MLIP: variants seen among roughly 807,000 people sequenced by gnomAD.
The protein encoded by MLIP is muscular LMNA-interacting protein.
A neutral mutation model predicts 84.8 loss-of-function variants in MLIP; 79 were observed. That is an observed-to-expected ratio of 0.93 (90% CI 0.78 to 1.12). The LOEUF (loss-of-function observed/expected upper bound fraction) is 1.12, where lower values mean the gene tolerates loss of function less well. MLIP is among the 50% of genes most tolerant of loss of function. The pLI, the probability that MLIP is intolerant of heterozygous loss-of-function variation, is 0.00. For missense variants in MLIP, 1,257 were observed against 1,160.6 expected (o/e 1.08, Z -1.21); for synonymous variants, 504 against 463.0 (o/e 1.09, Z -1.14).
chr6:54,064,686 G>A (rs12523824), intron 1 of MLIP, among the ~76,000 whole-genome samples: 27,731 of 98,216 alleles, frequency 0.28, 9,555 homozygotes, highest in Non-Finnish European at 0.35. Flanking sequence ...TGAAGCATTA[G>A]GGAGTTAAAC....
At chr6:54,154,492 C>T (rs990728337) in intron 5 of MLIP, among the ~76,000 whole-genome samples, 3 of 152,126 alleles carry the variant, frequency 2.0e-5, no homozygotes, top group Non-Finnish European at 4.4e-5. Context: ...GCGCTTTCAT[C>T]TTCACAACTC....
chr6:54,157,378 A>G (rs1172505234), intron 5 of MLIP, among the ~76,000 whole-genome samples: 2 of 152,104 alleles, frequency 1.3e-5, no homozygotes, highest in East Asian at 3.9e-4. Flanking sequence ...TCCTGCAGAT[A>G]AGGTCCTCTA....
chr6:54,220,588 C>G (rs948629238), intron 11 of MLIP, among the ~76,000 whole-genome samples: 1 of 151,934 alleles, frequency 6.6e-6, no homozygotes, highest in African/African-American at 2.4e-5. Flanking sequence ...GAGTAATGAG[C>G]CAATTACTCC....
At chr6:54,028,349 A>T (rs1763938187) in intron 1 of MLIP, among the ~76,000 whole-genome samples, 1 of 152,010 alleles carries the variant, frequency 6.6e-6, no homozygotes, top group African/African-American at 2.4e-5. Flanking sequence ...CAATTTAGAG[A>T]CCACCTCGTG....
At position 54,204,426 on chromosome 6, in the gene MLIP, G is replaced by A. The variant is rs544364760; in HGVS notation, c.2718+2193G>A. ...AGACAGTATGGGATAATTATAAAAT[G>A]TTTATAAAAATAATTTAGCAGTTAT... On this transcript the variant is annotated intron_variant, in intron 11 of 13. Transcript: ENST00000502396. Among the ~76,000 whole-genome samples, 6 of 152,228 alleles carry A rather than the reference G, an allele frequency of 3.9e-5. No individual in the cohort carries two copies. The South Asian group carries it at 1.2e-3, about 32-fold the overall frequency.
At chr6:54,259,908 T>C (rs1004142605) in intron 13 of MLIP, among the ~76,000 whole-genome samples, 3 of 151,884 alleles carry the variant, frequency 2.0e-5, no homozygotes, top group Admixed American at 6.6e-5. Context: ...CTGTTATTTA[T>C]TTACCTTCAA....
intron 13 of MLIP, among the ~76,000 whole-genome samples, chr6:54,265,415 C>G (rs1231649899): frequency 6.6e-6 from 1 of 152,068 alleles, no homozygotes; most frequent in East Asian, 1.9e-4. Flanking sequence ...TACCACAGAG[C>G]AAAATTGTAA....
chr6:54,204,609 G>C (rs1331042424), intron 11 of MLIP, among the ~76,000 whole-genome samples: 1 of 152,172 alleles, frequency 6.6e-6, no homozygotes, highest in Non-Finnish European at 1.5e-5. Flanking sequence ...TCCTTGTAGA[G>C]TATTGAGTTA....
chr6:54,107,352 A>C (rs1329028134), upstream of MLIP, among the ~76,000 whole-genome samples: 5 of 152,222 alleles, frequency 3.3e-5, no homozygotes, highest in East Asian at 9.6e-4. Flanking sequence ...TCCAATACAG[A>C]TGAGGCCAAA....
At chr6:54,257,021 T>C (rs1318324151) in intron 12 of MLIP, among the ~76,000 whole-genome samples, 4 of 152,100 alleles carry the variant, frequency 2.6e-5, no homozygotes, top group Non-Finnish European at 5.9e-5. Flanking sequence ...CTTCATTACA[T>C]ACATAATTAA....
At chr6:54,081,641 G>T (rs1179999581) in intron 1 of MLIP, among the ~76,000 whole-genome samples, 1 of 152,062 alleles carries the variant, frequency 6.6e-6, no homozygotes, top group East Asian at 1.9e-4. Flanking sequence ...TTAAACTCCT[G>T]ACCTCAGGTG....
intron 12 of MLIP, among the ~76,000 whole-genome samples, chr6:54,257,001 T>C (rs1783050827): frequency 6.6e-6 from 1 of 152,136 alleles, no homozygotes; most frequent in Non-Finnish European, 1.5e-5. Context: ...TTAGTGCATT[T>C]TGACGATTCC....
At chr6:54,238,987 A>G (rs1171596599) in intron 12 of MLIP, among the ~76,000 whole-genome samples, 1 of 152,164 alleles carries the variant, frequency 6.6e-6, no homozygotes, top group Non-Finnish European at 1.5e-5. Flanking sequence ...AGATTTCTTC[A>G]CATGTACTAT....
Position 54,202,143 on chromosome 6 carries a change from C to T in MLIP, c.2628C>T (p.Ser876=), listed in dbSNP as rs2150714738. The stretch of plus-strand genomic sequence containing the variant: ...TAATTCGCCCAGTACCTGTAAAATC[C>T]AGAATATTACTGAAAAAAGAGGAGG... The part of the protein sequence containing the change: ...PGVIRPVPVK[S]RILLKKEEEV... Residue 876 remains serine, a synonymous_variant, in exon 11 of 14, where the codon TCC becomes TCT. Coordinates refer to ENST00000502396, the MANE Select transcript of MLIP (RefSeq NM_001281747.2). 6.2e-7 allele frequency: 1 copy of T among 1,602,748 alleles called. No homozygotes were observed. The highest frequency in any genetic ancestry group is 1.7e-5 in the Admixed American group (1 of 59,316).
rs1773171030 is a variant in MLIP at position 54,149,083 on chromosome 6, G to A, written c.2245G>A (p.Ala749Thr). Residue 749 changes from alanine (A) to threonine (T), a missense_variant, in exon 5 of 14, where the codon GCT becomes ACT. Coordinates refer to ENST00000502396, the MANE Select transcript of MLIP (RefSeq NM_001281747.2). ...ATACAAGACCAAGTCAAGCTACAAG[G>A]CTTTTGCAGCAATCCCTACAAACAC... ...KQYKTKSSYK[A>T]FAAIPTNTLL... The A allele has an allele frequency of 6.2e-7, 1 of 1,612,820 alleles. No homozygotes were observed. Among genetic ancestry groups the A allele is most frequent in the Non-Finnish European group, 8.5e-7 (1 of 1,179,254 alleles).
At chr6:54,247,149 AAC>A (rs913444257) in intron 12 of MLIP, among the ~76,000 whole-genome samples, 3 of 152,154 alleles carry the variant, frequency 2.0e-5, no homozygotes, top group Non-Finnish European at 1.5e-5. Flanking sequence ...ATGAACTTTT[AAC>A]AGTTTATAAA....
chr6:54,061,533 G>A (rs994742119), intron 1 of MLIP, among the ~76,000 whole-genome samples: 1 of 152,126 alleles, frequency 6.6e-6, no homozygotes, highest in Non-Finnish European at 1.5e-5. Context: ...TTATTTCATT[G>A]TGCTCAAAGC....
chr6:54,225,584 C>G (rs1327533865), intron 11 of MLIP, among the ~76,000 whole-genome samples: 2 of 152,042 alleles, frequency 1.3e-5, no homozygotes, highest in Non-Finnish European at 2.9e-5. Context: ...AGAAGTTGCA[C>G]AAAAAGGAAA....
chr6:54,154,794 A>G (rs932329797), intron 5 of MLIP, among the ~76,000 whole-genome samples: 2 of 152,176 alleles, frequency 1.3e-5, no homozygotes, highest in African/African-American at 4.8e-5. Context: ...AAAATGGGAA[A>G]TAATGTGGCT....
Sources: gnomAD v4.1 joint callset for allele counts (sites outside exome capture counted in the v4.1 genomes callset) on GRCh38, gnomAD v4.1.1 for gene constraint, MANE v1.5 for transcripts, NCBI Gene and HGNC (gene_info 2026-07-23, HGNC 2026-07-21) for gene names.